Variants in CRTAC1 observed in about 807,000 individuals in gnomAD.
CRTAC1 encodes the protein cartilage acidic protein 1.
A neutral mutation model predicts 67.8 loss-of-function variants in CRTAC1; 37 were observed. The ratio of observed to expected loss-of-function variants is 0.55; its 90% CI spans 0.42 to 0.72. The LOEUF (loss-of-function observed/expected upper bound fraction) is 0.72, where lower values mean the gene tolerates loss of function less well. Ranked by LOEUF, CRTAC1 falls within the 30% of genes least tolerant of loss-of-function variation. CRTAC1 has a pLI of 0.00. For synonymous variants in CRTAC1, 348 were observed against 371.0 expected, an observed-to-expected ratio of 0.94 and a Z score of 0.71; for missense variants, 780 against 931.6, an observed-to-expected ratio of 0.84 and a Z score of 2.12.
chr10:97,950,028 C>T (rs1164862768), intron 2 of CRTAC1, among the ~76,000 whole-genome samples: 1 of 152,110 alleles, frequency 6.6e-6, no homozygotes, highest in Non-Finnish European at 1.5e-5. Context: ...GCCTTGAGTA[C>T]AGAAGACTGT....
intron 2 of CRTAC1, among the ~76,000 whole-genome samples, chr10:98,010,889 G>A (rs188673331): frequency 6.6e-6 from 1 of 152,264 alleles, no homozygotes; most frequent in Non-Finnish European, 1.5e-5. Context: ...TCCCTGAAAA[G>A]CCTGTGGATC....
At chr10:97,958,501 A>G (rs1323915532) in intron 2 of CRTAC1, among the ~76,000 whole-genome samples, 2 of 152,208 alleles carry the variant, frequency 1.3e-5, no homozygotes, top group Non-Finnish European at 2.9e-5. Context: ...TTTTTTAAGC[A>G]GGAAGGACAG....
intron 7 of CRTAC1, among the ~76,000 whole-genome samples, chr10:97,903,436 T>A (rs1194197849): frequency 6.6e-6 from 1 of 151,754 alleles, no homozygotes. Context: ...CAGGACGAGC[T>A]GTCCTGGGCT....
At chr10:98,001,782 G>T (rs1013657249) in intron 2 of CRTAC1, among the ~76,000 whole-genome samples, 1 of 152,146 alleles carries the variant, frequency 6.6e-6, no homozygotes, top group African/African-American at 2.4e-5. Flanking sequence ...CTAGACACCC[G>T]CACCTCAAAA....
At chr10:97,954,419 G>A (rs537185593) in intron 2 of CRTAC1, among the ~76,000 whole-genome samples, 2 of 152,312 alleles carry the variant, frequency 1.3e-5, no homozygotes, top group South Asian at 2.1e-4. Context: ...ACTCGACGTT[G>A]TGATTGCTAG....
At chr10:97,922,977 C>T (rs2050861633) in intron 4 of CRTAC1, among the ~76,000 whole-genome samples, 1 of 152,160 alleles carries the variant, frequency 6.6e-6, no homozygotes, top group Non-Finnish European at 1.5e-5. Flanking sequence ...CTTTGGGCTC[C>T]CATGCAAGTC....
chr10:97,932,630 G>A (rs1198062257), intron 3 of CRTAC1, among the ~76,000 whole-genome samples: 5 of 152,148 alleles, frequency 3.3e-5, no homozygotes, highest in Non-Finnish European at 4.4e-5. Context: ...AGTGGGAAAA[G>A]CATTTCAGGC....
intron 2 of CRTAC1, among the ~76,000 whole-genome samples, chr10:97,953,454 T>C (rs969249413): frequency 8.5e-5 from 13 of 152,136 alleles, no homozygotes; most frequent in African/African-American, 3.1e-4. Context: ...CCTCGATAAA[T>C]GGCCAGGAGG....
intron 14 of CRTAC1, chr10:97,868,363 G>C (rs1484249694): frequency 2.0e-5 from 3 of 152,278 alleles, no homozygotes; most frequent in African/African-American, 7.2e-5. Flanking sequence ...TGGAACCCAG[G>C]TCTCCTGACT....
chr10:98,017,760 C>T (rs1267010189), intron 1 of CRTAC1, among the ~76,000 whole-genome samples: 5 of 150,610 alleles, frequency 3.3e-5, no homozygotes, highest in African/African-American at 4.9e-5. Context: ...TGATCTTGAA[C>T]TTCCTGGGCC....
intron 14 of CRTAC1, chr10:97,868,347 C>T (rs1425408359): frequency 6.6e-6 from 1 of 152,292 alleles, no homozygotes; most frequent in Non-Finnish European, 1.5e-5. Flanking sequence ...TAACAGGGCC[C>T]AAGCTTGGAA....
chr10:97,876,941 C>T (rs2050154176), intron 14 of CRTAC1, among the ~76,000 whole-genome samples: 1 of 113,750 alleles, frequency 8.8e-6, no homozygotes, highest in African/African-American at 3.3e-5. Context: ...AATGAGGAGG[C>T]TCTGTTTTTT....
At chr10:97,987,469 G>C (rs1026528421) in intron 2 of CRTAC1, among the ~76,000 whole-genome samples, 9 of 152,212 alleles carry the variant, frequency 5.9e-5, no homozygotes, top group African/African-American at 2.2e-4. Context: ...TTGAGGGTTA[G>C]AAGGAAAGAT....
chr10:97,940,759 C>T (rs2051160848), intron 2 of CRTAC1, among the ~76,000 whole-genome samples: 1 of 152,220 alleles, frequency 6.6e-6, no homozygotes, highest in Admixed American at 6.5e-5. Flanking sequence ...GGGGCTGCTG[C>T]ATACCTCACA....
At chr10:97,880,970 A>C (rs992123212) in intron 13 of CRTAC1, among the ~76,000 whole-genome samples, 10 of 152,084 alleles carry the variant, frequency 6.6e-5, no homozygotes, top group African/African-American at 2.4e-4. Context: ...CCCGCAGTCC[A>C]CCAGTCCACC....
At chr10:97,928,936 C>T (rs557768987) in intron 3 of CRTAC1, among the ~76,000 whole-genome samples, 8 of 152,090 alleles carry the variant, frequency 5.3e-5, no homozygotes, top group African/African-American at 1.7e-4. Context: ...ACAGTGTTTC[C>T]GGAAGATTAA....
intron 2 of CRTAC1, among the ~76,000 whole-genome samples, chr10:97,955,745 T>G (rs1213001578): frequency 6.6e-6 from 1 of 152,210 alleles, no homozygotes; most frequent in African/African-American, 2.4e-5. Context: ...CATGTTCTTC[T>G]TGGCTCATAT....
intron 2 of CRTAC1, among the ~76,000 whole-genome samples, chr10:97,947,293 T>C (rs564058755): frequency 6.6e-6 from 1 of 152,298 alleles, no homozygotes; most frequent in African/African-American, 2.4e-5. Context: ...TCCAGCCTAG[T>C]ATAGCAAATA....
intron 2 of CRTAC1, among the ~76,000 whole-genome samples, chr10:97,969,192 G>A (rs1227954514): frequency 6.6e-6 from 1 of 152,182 alleles, no homozygotes; most frequent in Non-Finnish European, 1.5e-5. Flanking sequence ...TACCATCCCA[G>A]CTCCAATCCA....
Sources: gnomAD v4.1 joint callset for allele counts (sites outside exome capture counted in the v4.1 genomes callset) on GRCh38, gnomAD v4.1.1 for gene constraint, MANE v1.5 for transcripts, NCBI Gene and HGNC (gene_info 2026-07-23, HGNC 2026-07-21) for gene names.